Variants in DPF1 observed in about 807,000 individuals in gnomAD.
The protein encoded by DPF1 is zinc finger protein neuro-d4.
DPF1 carries 14 observed loss-of-function variants against 58.7 expected under a neutral mutation model. That is an observed-to-expected ratio of 0.24 (90% CI 0.16 to 0.37). DPF1 has a LOEUF of 0.37. DPF1 is among the 10% of genes least tolerant of loss of function. The probability of loss-of-function intolerance (pLI) is 1.00; values close to 1 mark genes in which losing one functional copy is unlikely to be tolerated. For missense variants in DPF1, 345 were observed against 529.9 expected, an observed-to-expected ratio of 0.65 and a Z score of 3.43; for synonymous variants, 216 against 216.0, an observed-to-expected ratio of 1.00 and a Z score of 0.00.
At chr19:38,220,513 C>T (rs1188753205) in intron 3 of DPF1, among the ~76,000 whole-genome samples, 21 of 150,746 alleles carry the variant, frequency 1.4e-4, no homozygotes, top group South Asian at 6.3e-4. Context: ...CCCAGCTACT[C>T]GGGAGGCTGA....
At chr19:38,212,410 GAA>G in intron 10 of DPF1, 49 bp from the exon 11 acceptor site, 2 of 617,426 alleles carry the variant, frequency 3.2e-6, no homozygotes, top group South Asian at 2.3e-5. Context: ...ACGGGCACCA[GAA>G]ACGGGGGTGG....
intron 3 of DPF1, among the ~76,000 whole-genome samples, chr19:38,220,403 T>C (rs1233653702): frequency 6.6e-6 from 1 of 151,754 alleles, no homozygotes; most frequent in Non-Finnish European, 1.5e-5. Context: ...GGGCAGATCA[T>C]GAGGTCAGGA....
At chr19:38,227,696 G>A (rs758561387), upstream of DPF1, among the ~76,000 whole-genome samples, 1 of 152,216 alleles carries the variant, frequency 6.6e-6, no homozygotes, top group Admixed American at 6.5e-5. Context: ...CCATCGGGTG[G>A]TAAGGGCTGT....
intron 9 of DPF1, among the ~76,000 whole-genome samples, chr19:38,214,831 C>CT (rs36047300): frequency 0.066 from 5,944 of 89,412 alleles, 506 homozygotes; most frequent in African/African-American, 0.17. Context: ...TATGCCCAGC[C>CT]TTTTTTTTTT....
Position 38,222,864 on chromosome 19 carries a change from G to C in DPF1, c.30-156C>G. 1 of 1,133,250 alleles carries C rather than the reference G, an allele frequency of 8.8e-7. No homozygotes were observed. The highest frequency in any genetic ancestry group is 1.2e-6 in the Non-Finnish European group (1 of 846,522). 70.2% of individuals were successfully genotyped at this position (1,133,250 alleles called of 1,614,324 possible). ...CCCCTCCTCCCACTCCGGGACCCAG[G>C]CTGGGGGAAGGGGACAGGGCCCAGG... On this transcript the variant is annotated intron_variant, in intron 1 of 11. Transcript: ENST00000355526. The surrounding 1 kb of genome is among the most constrained non-coding windows in gnomAD (Gnocchi z 4.9).
chr19:38,227,408 G>C (rs1042310809), upstream of DPF1, among the ~76,000 whole-genome samples: 2 of 151,912 alleles, frequency 1.3e-5, no homozygotes, highest in Admixed American at 1.3e-4. Context: ...ACAGACGCAG[G>C]CTGACACTTG....
upstream of DPF1, chr19:38,228,731 C>G (rs1241656383): frequency 2.6e-5 from 4 of 152,378 alleles, no homozygotes; most frequent in Non-Finnish European, 5.9e-5. Flanking sequence ...GTGGAGAGCG[C>G]GAGGGATGGC....
chr19:38,217,631 CG>C, intron 6 of DPF1, 40 bp from the exon 7 acceptor site: 3 of 1,530,520 alleles, frequency 2.0e-6, no homozygotes, highest in Non-Finnish European at 2.6e-6. Flanking sequence ...TCAGCCCCTC[CG>C]GGCCCCTGCC....
At chr19:38,219,184 C>T in intron 3 of DPF1, 126 bp from the exon 4 acceptor site, 2 of 1,403,566 alleles carry the variant, frequency 1.4e-6, no homozygotes, top group Non-Finnish European at 1.9e-6. Flanking sequence ...GATTTAACCA[C>T]ATGCCCTAGG....
At chr19:38,214,520 GC>G (rs1025672624) in intron 9 of DPF1, among the ~76,000 whole-genome samples, 12 of 152,230 alleles carry the variant, frequency 7.9e-5, no homozygotes, top group African/African-American at 2.9e-4. Flanking sequence ...TTGCCCACAA[GC>G]CCACCATGGG....
At chr19:38,216,455 C>A (rs1183802897) in intron 7 of DPF1, 52 bp from the exon 8 acceptor site, 1 of 1,517,220 alleles carries the variant, frequency 6.6e-7, no homozygotes, top group East Asian at 2.3e-5. Flanking sequence ...AAGGCTCCAC[C>A]CTGCCCCCAG....
chr19:38,213,540 G>T, intron 10 of DPF1, 104 bp downstream of exon 10: 1 of 950,690 alleles, frequency 1.1e-6, no homozygotes, highest in Non-Finnish European at 1.6e-6. Context: ...GGGGACTGGT[G>T]TTCACCAGGG....
intron 11 of DPF1, 43 bp downstream of exon 11, chr19:38,212,237 T>TGGGGGGGGGGGGGGGGGGGGGGGG: frequency 1.6e-6 from 2 of 1,256,798 alleles, no homozygotes; most frequent in South Asian, 1.4e-5. Context: ...GGAGATGGCG[T>TGGGGGGGGGGGGGGGGGGGGGGGG]TCCCACCCAC....
upstream of DPF1, among the ~76,000 whole-genome samples, chr19:38,224,508 C>T (rs1243984970): frequency 1.3e-5 from 2 of 152,134 alleles, no homozygotes; most frequent in African/African-American, 4.8e-5. The surrounding 1 kb of genome is among the most constrained non-coding windows in gnomAD (Gnocchi z 4.5). Context: ...TACTCACAGC[C>T]TCCCACACAC....
rs201451302 is a variant in DPF1, at chr19:38,218,969, T to C, written c.388A>G (p.Ile130Val). The C allele has an allele frequency of 1.4e-4, 223 of 1,614,132 alleles. 2 individuals are homozygous for C. In the South Asian group the frequency reaches 1.9e-3, roughly 14 times the overall value. Residue 130 changes from isoleucine to valine, a missense_variant, in exon 4 of 12, where the codon ATT becomes GTT. By Grantham distance (29) the Ile-to-Val change is conservative (BLOSUM62 3). Coordinates refer to ENST00000355526, the MANE Select transcript of DPF1 (RefSeq NM_001135155.3). The stretch of plus-strand genomic sequence containing the variant: ...ATGGTCTCCTCCTCCTTCAGCTCAA[T>C]CTTCTTCTCCCCCGTCTCTGCACAC... ...LLCAETGEKK[I>V]ELKEEETIMD...
At chr19:38,217,394 C>CCCCA in intron 7 of DPF1, 66 bp downstream of exon 7, 1 of 1,128,156 alleles carries the variant, frequency 8.9e-7, no homozygotes, top group Non-Finnish European at 1.2e-6. Flanking sequence ...CACCCCCACC[C>CCCCA]CCAGCTGGGC....
chr19:38,222,541 G>GCGGTACC lies in DPF1; in HGVS notation c.190_190+6dup. The GCGGTACC allele has an allele frequency of 6.2e-7, 1 of 1,605,420 alleles. No homozygotes were observed. The highest frequency in any genetic ancestry group is 8.5e-7 in the Non-Finnish European group (1 of 1,176,292). On this transcript the variant is annotated splice_region_variant and intron_variant, in intron 2 of 11. Transcript: ENST00000355526. This position sits in a 1 kb window ranked among gnomAD's most constrained non-coding sequence, Gnocchi z 4.9. ...GCCCCGCCCTGCGCCAGCCCTCCCG[G>GCGGTACC]CGGTACCCGGCCCGCGGTGGGTCTT...
chr19:38,219,202 C>A, intron 3 of DPF1, 144 bp from the exon 4 acceptor site: 1 of 1,238,902 alleles, frequency 8.1e-7, no homozygotes, highest in Non-Finnish European at 1.1e-6. Flanking sequence ...AGGAGGGAGG[C>A]CCAGACTCTG....
rs779973087 is a variant in DPF1, at chr19:38,211,702, C to CT, written c.*360dup. 1,461 of 179,080 alleles carry CT rather than the reference C, an allele frequency of 8.2e-3. 4 individuals carry two copies. Among genetic ancestry groups the CT allele is most frequent in the East Asian group, 0.015 (111 of 7,628 alleles). 11.1% of individuals were successfully genotyped at this position (179,080 alleles called of 1,614,324 possible). A position where few individuals can be genotyped will look rare whatever the true frequency, so the allele number is the denominator to read the frequency against. On this transcript the variant is annotated 3_prime_UTR_variant, in exon 12 of 12. Coordinates refer to ENST00000355526, the MANE Select transcript of DPF1 (RefSeq NM_001135155.3). This position sits in a 1 kb window ranked among gnomAD's most constrained non-coding sequence, Gnocchi z 4.0. ...ATATATTAACTTCTTTTCTTTTCTT[C>CT]TTTTTTTTTTTTTTAACTTTTTGTC...
Sources: allele counts gnomAD v4.1 joint callset (sites outside exome capture counted in the v4.1 genomes callset), GRCh38; gene constraint gnomAD v4.1.1; non-coding constraint Gnocchi (gnomAD v3.1); transcripts MANE v1.5; gene names NCBI Gene and HGNC (gene_info 2026-07-23, HGNC 2026-07-21).